The following DTHD1 variants were observed in gnomAD, a reference collection of about 807,000 sequenced individuals.
DTHD1 encodes death domain-containing protein 1.
DTHD1 carries 59 observed loss-of-function variants against 74.8 expected under a neutral mutation model. The observed-to-expected ratio is 0.79, with a 90% CI of 0.64 to 0.98. DTHD1 has a LOEUF of 0.98. Among genes scored for constraint, DTHD1 ranks in the 50% least tolerant of loss-of-function variants. DTHD1 has a pLI of 0.00. For synonymous variants in DTHD1, 365 were observed against 371.1 expected (o/e 0.98, Z 0.19); for missense variants, 1,051 against 1,065.4 (o/e 0.99, Z 0.19).
chr4:36,319,676 A>T (rs1381581479), intron 8 of DTHD1, among the ~76,000 whole-genome samples: 2 of 152,256 alleles, frequency 1.3e-5, no homozygotes, highest in Admixed American at 1.3e-4. Flanking sequence ...AAGTCCAAAA[A>T]TGTGATAGGA....
chr4:36,316,010 A>G (rs543396887), intron 7 of DTHD1, among the ~76,000 whole-genome samples: 4 of 152,302 alleles, frequency 2.6e-5, no homozygotes, highest in East Asian at 1.9e-4. Flanking sequence ...ATCTCCGCTC[A>G]CTGTAAGCAC....
rs1755409551 is a variant in DTHD1, at chr4:36,281,745, T to C, written c.-14T>C. 8.1e-7 allele frequency: 1 copy of C among 1,235,602 alleles called. No individual in the cohort carries two copies. The highest frequency in any genetic ancestry group is 4.2e-5 in the Admixed American group (1 of 23,834). The allele number at this position is 1,235,602 out of a possible 1,614,324, so 76.5% of individuals were successfully genotyped here. On this transcript the variant is annotated 5_prime_UTR_variant, in exon 1 of 10. Coordinates refer to ENST00000639862, the MANE Select transcript of DTHD1 (RefSeq NM_001170700.3). ...TTGCTGGCAGGAGAGAAAATACCAC[T>C]TTTGGATCATAAAATGGATATGGAA...
rs1286677202 is a variant in DTHD1 at position 36,344,962 on chromosome 4, A to G, written c.*1138A>G. Reference sequence around the variant, plus strand: ...TCTAAGCTCGAAATAAATTAAAAATAGAATAACACTTCAGCCATTTACTGG... The same window carrying G: ...TCTAAGCTCGAAATAAATTAAAAATGGAATAACACTTCAGCCATTTACTGG... On this transcript the variant is annotated 3_prime_UTR_variant, in exon 10 of 10. Transcript: ENST00000639862. 4.6e-5 allele frequency: 7 copies of G among 152,230 alleles called. No individual in the cohort carries two copies. The highest frequency in any genetic ancestry group is 1.7e-4 in the African/African-American group (7 of 41,468). The allele number at this position is 152,230 out of a possible 1,614,324, so 9.4% of individuals were successfully genotyped here. A position where few individuals can be genotyped will look rare whatever the true frequency, so the allele number is the denominator to read the frequency against.
At chr4:36,326,264 T>C (rs1021040483) in intron 8 of DTHD1, among the ~76,000 whole-genome samples, 2 of 149,668 alleles carry the variant, frequency 1.3e-5, no homozygotes, top group Admixed American at 6.7e-5. Context: ...TTTGAATATA[T>C]ATATAACATA....
At chr4:36,308,645 C>G (rs1319370260) in intron 7 of DTHD1, among the ~76,000 whole-genome samples, 152 bp downstream of exon 7, 1 of 152,158 alleles carries the variant, frequency 6.6e-6, no homozygotes, top group Admixed American at 6.5e-5. Context: ...ATTTATTATA[C>G]TTTTTTTGTT....
chr4:36,303,368 C>G lies in DTHD1; in HGVS notation c.1644-2823C>G, dbSNP rs1291298009. Among the ~76,000 whole-genome samples the G allele has an allele frequency of 2.0e-5, 3 of 152,136 alleles. No individual in the cohort carries two copies. In the East Asian group the frequency reaches 5.8e-4, roughly 29 times the overall value. ...TTTAATCTTTATATCGTTAAGGACT[C>G]TTTTGATTTAAGTGATAGGAAAGCC... On this transcript the variant is annotated intron_variant, in intron 5 of 9. Transcript: ENST00000639862.
Position 36,293,603 on chromosome 4 carries a change from A to G in DTHD1, c.1296A>G (p.Thr432=). The G allele has an allele frequency of 6.5e-7, 1 of 1,549,874 alleles. No individual in the cohort carries two copies. Among genetic ancestry groups the G allele is most frequent in the Non-Finnish European group, 8.7e-7 (1 of 1,145,750 alleles). Residue 432 remains threonine (T), a synonymous_variant, in exon 4 of 10, where the codon ACA becomes ACG. Transcript: ENST00000639862. ...CTTGTTTAAAGAAAGAGTCGTTCAC[A>G]GTAACAAAGAAAGGCCTCGCTCTTA... ...VVSCLKKESF[T]VTKKGLALKS...
At chr4:36,299,439 T>C (rs1290439844) in intron 5 of DTHD1, among the ~76,000 whole-genome samples, 1 of 152,234 alleles carries the variant, frequency 6.6e-6, no homozygotes, top group African/African-American at 2.4e-5. Context: ...TGCCTGCTGC[T>C]TTCAAGATCT....
intron 8 of DTHD1, among the ~76,000 whole-genome samples, chr4:36,326,736 C>G (rs1335558387): frequency 6.6e-6 from 1 of 152,168 alleles, no homozygotes; most frequent in East Asian, 1.9e-4. Flanking sequence ...CTGACAGAAG[C>G]CTTACCTGTT....
chr4:36,313,523 C>T (rs965157053), intron 7 of DTHD1, among the ~76,000 whole-genome samples: 2 of 151,410 alleles, frequency 1.3e-5, no homozygotes, highest in African/African-American at 4.9e-5. Context: ...ATTATTATGC[C>T]TTAACAACAA....
At chr4:36,312,801 T>C (rs1257264850) in intron 7 of DTHD1, among the ~76,000 whole-genome samples, 1 of 152,144 alleles carries the variant, frequency 6.6e-6, no homozygotes, top group Non-Finnish European at 1.5e-5. Context: ...TTGTAGGCCA[T>C]TGGAAAGACT....
chr4:36,299,130 C>A (rs558036942), intron 5 of DTHD1, among the ~76,000 whole-genome samples: 4 of 151,998 alleles, frequency 2.6e-5, no homozygotes, highest in African/African-American at 9.7e-5. Context: ...TTCAATTATT[C>A]TTTTGCTTTT....
intron 5 of DTHD1, among the ~76,000 whole-genome samples, chr4:36,303,029 CA>C (rs1159948903): frequency 6.6e-6 from 1 of 152,144 alleles, no homozygotes; most frequent in Non-Finnish European, 1.5e-5. Flanking sequence ...GATAAACTAG[CA>C]TGACATTTTA....
At position 36,316,134 on chromosome 4, in the gene DTHD1, A is replaced by G; in HGVS notation, c.2096-108A>G. On this transcript the variant is annotated intron_variant, in intron 7 of 9. Coordinates refer to ENST00000639862, the MANE Select transcript of DTHD1 (RefSeq NM_001170700.3). ...GTATTTTTAGTAGAGACGGGGTTTC[A>G]CCATGTTAGCCAGGATGGTCTCGAT... The G allele has an allele frequency of 6.8e-6, 7 of 1,022,014 alleles. No individual in the cohort carries two copies. The South Asian group carries it at 8.5e-5, about 12-fold the overall frequency. 63.3% of individuals were successfully genotyped at this position (1,022,014 alleles called of 1,614,324 possible). A position where few individuals can be genotyped will look rare whatever the true frequency, so the allele number is the denominator to read the frequency against.
chr4:36,312,338 A>G (rs1474385401), intron 7 of DTHD1, among the ~76,000 whole-genome samples: 1 of 151,948 alleles, frequency 6.6e-6, no homozygotes, highest in Non-Finnish European at 1.5e-5. Flanking sequence ...GTATCTCTAC[A>G]TCTATCTCTA....
At chr4:36,315,997 G>C (rs185782657) in intron 7 of DTHD1, among the ~76,000 whole-genome samples, 2 of 152,252 alleles carry the variant, frequency 1.3e-5, no homozygotes, top group African/African-American at 4.8e-5. Flanking sequence ...GTGCAGTGGC[G>C]TGATCTCCGC....
Position 36,308,254 on chromosome 4 carries a change from CT to C in DTHD1, c.1860del (p.Phe620LeufsTer2), listed in dbSNP as rs1472500022. 1.3e-6 allele frequency: 2 copies of C among 1,552,250 alleles called. No homozygotes were observed. The highest frequency in any genetic ancestry group is 3.3e-4 in the Middle Eastern group (2 of 5,998). ...SSTMDNSHLV[T>X]FVKSLEEAML... ...ACCATGGACAATAGTCATTTGGTTA[CT>C]TTTGTGAAATCTTTAGAGGAAGCCA... On this transcript the variant is annotated frameshift_variant, in exon 7 of 10. Transcript: ENST00000639862. LOFTEE classifies it high-confidence loss of function.
In DTHD1 at chr4:36,316,356, A is replaced by G. The variant is rs1296566824; in HGVS notation, c.2210A>G (p.His737Arg). ...VDEFGNYSCP[H>R]YKGTIVVYKV... ...GAATTTGGAAACTATAGTTGCCCTC[A>G]TTACAAAGGCACCATTGTCGTTTAT... The change falls in exon 8 of 10, where the codon CAT (histidine) becomes CGT (arginine). Residue 737 changes from histidine (H) to arginine (R), a missense_variant. Coordinates refer to ENST00000639862, the MANE Select transcript of DTHD1 (RefSeq NM_001170700.3). The G allele has an allele frequency of 1.9e-6, 3 of 1,552,220 alleles. No homozygotes were observed. The highest frequency in any genetic ancestry group is 1.2e-5 in the South Asian group (1 of 84,068).
chr4:36,325,965 T>G (rs745386293), intron 8 of DTHD1, among the ~76,000 whole-genome samples: 4 of 152,164 alleles, frequency 2.6e-5, no homozygotes, highest in Non-Finnish European at 1.5e-5. Context: ...CTTCCAAAAC[T>G]TCTCATTGGA....
Sources: gnomAD v4.1 joint callset for allele counts (sites outside exome capture counted in the v4.1 genomes callset) on GRCh38, gnomAD v4.1.1 for gene constraint, MANE v1.5 for transcripts, NCBI Gene and HGNC (gene_info 2026-07-23, HGNC 2026-07-21) for gene names.